The following CLDN8 variants were observed in gnomAD, a reference collection of about 807,000 sequenced individuals.
CLDN8 encodes claudin-8.
CLDN8 carries 2 observed loss-of-function variants against 2.2 expected under a neutral mutation model. The ratio of observed to expected loss-of-function variants is 0.90; its 90% CI spans 0.37 to 2.82. The LOEUF (loss-of-function observed/expected upper bound fraction) is 2.82, where lower values mean the gene tolerates loss of function less well. CLDN8 is among the 30% of genes most tolerant of loss of function. The probability of loss-of-function intolerance (pLI) is 0.10; values close to 1 mark genes in which losing one functional copy is unlikely to be tolerated. For missense variants in CLDN8, 314 were observed against 280.5 expected (o/e 1.12, Z -0.85); for synonymous variants, 107 against 104.8 (o/e 1.02, Z -0.13).
In CLDN8 at chr21:30,215,738, T is replaced by C. The variant is rs1030402102; in HGVS notation, c.188A>G (p.Gln63Arg). The C allele has an allele frequency of 6.2e-7, 1 of 1,614,122 alleles. No homozygotes were observed. The highest frequency in any genetic ancestry group is 8.5e-7 in the Non-Finnish European group (1 of 1,180,012). Residue 63 changes from glutamine to arginine, a missense_variant, in exon 1 of 1, where the codon CAG (glutamine) becomes CGG (arginine). Coordinates refer to ENST00000399899, the MANE Select transcript of CLDN8 (RefSeq NM_199328.3). ...NCVRQANIRM[Q>R]CKIYDSLLAL... Reference sequence around the variant, plus strand: ...CAGCAGGGAATCATAGATTTTGCACTGCATCCTGATGTTAGCCTGCCTCAC... The same window carrying C: ...CAGCAGGGAATCATAGATTTTGCACCGCATCCTGATGTTAGCCTGCCTCAC...
rs766793245 is a variant in CLDN8 at position 30,215,313 on chromosome 21, T to C, written c.613A>G (p.Thr205Ala). The change falls in exon 1 of 1, where the codon ACC becomes GCC. Residue 205 changes from threonine to alanine, a missense_variant. By Grantham distance (58) the Thr-to-Ala change is moderately conservative. Coordinates refer to ENST00000399899, the MANE Select transcript of CLDN8 (RefSeq NM_199328.3). Reference protein sequence around the residue: ...YRYSIPSHRTTQKSYHTGKKS... With the variant: ...YRYSIPSHRTAQKSYHTGKKS... ...TTTCCGGTGTGATAACTTTTTTGGG[T>C]TGTGCGATGGGAAGGTATCGAGTAT... 4 of 1,614,046 alleles carry C rather than the reference T, an allele frequency of 2.5e-6. No individual in the cohort carries two copies. The highest frequency in any genetic ancestry group is 3.4e-6 in the Non-Finnish European group (4 of 1,180,012).
In CLDN8 at chr21:30,215,173, G is replaced by A. The variant is rs1482964478; in HGVS notation, c.*75C>T. The A allele has an allele frequency of 7.9e-7, 1 of 1,269,630 alleles. No individual in the cohort carries two copies. Among genetic ancestry groups the A allele is most frequent in the Non-Finnish European group, 1.1e-6 (1 of 894,076 alleles). 78.6% of individuals were successfully genotyped at this position (1,269,630 alleles called of 1,614,324 possible). ...GAACAGTAAATCAAAGTTTCTTTGG[G>A]GTCCATTTTGAGAAAGTAATATAGA... On this transcript the variant is annotated 3_prime_UTR_variant, in exon 1 of 1. Coordinates refer to ENST00000399899, the MANE Select transcript of CLDN8 (RefSeq NM_199328.3).
chr21:30,215,726 T>TA lies in CLDN8; in HGVS notation c.199dup (p.Tyr67LeufsTer2). On this transcript the variant is annotated frameshift_variant, in exon 1 of 1. Coordinates refer to ENST00000399899, the MANE Select transcript of CLDN8 (RefSeq NM_199328.3). LOFTEE classifies it low-confidence loss of function (END_TRUNC). ...CGGAGAAAGAGCCAGCAGGGAATCA[T>TA]AGATTTTGCACTGCATCCTGATGTT... 1.2e-6 allele frequency: 2 copies of TA among 1,614,100 alleles called. No homozygotes were observed. Among genetic ancestry groups the TA allele is most frequent in the Non-Finnish European group, 1.7e-6 (2 of 1,180,014 alleles).
rs1466167785 is a variant in CLDN8, at chr21:30,214,138, CAG to C, written c.*1108_*1109del. ...TCAGTTTCATCAAATTTGGAATAAACAGAAAAATACAGTATTTACAGATTTTA... is the reference window on the plus strand; with the variant it reads ...TCAGTTTCATCAAATTTGGAATAAACAAAAATACAGTATTTACAGATTTTA... On this transcript the variant is annotated 3_prime_UTR_variant, in exon 1 of 1. Coordinates refer to ENST00000399899, the MANE Select transcript of CLDN8 (RefSeq NM_199328.3). 2 of 152,012 alleles carry C rather than the reference CAG, an allele frequency of 1.3e-5. No homozygotes were observed. The highest frequency in any genetic ancestry group is 4.8e-5 in the African/African-American group (2 of 41,382). The allele number at this position is 152,012 out of a possible 1,614,324, so 9.4% of individuals were successfully genotyped here.
rs373769301 is a variant in CLDN8, at chr21:30,215,951, G to C, written c.-26C>G. On this transcript the variant is annotated 5_prime_UTR_variant, in exon 1 of 1. Transcript: ENST00000399899. ...TATCCTCTGGGATGAGTTTTAGCCA[G>C]CTGGACTCCGGAACTGCTACTTCTG... The C allele has an allele frequency of 6.0e-5, 94 of 1,561,262 alleles. No homozygotes were observed. Among genetic ancestry groups the C allele is most frequent in the Admixed American group, 3.8e-5 (2 of 53,036 alleles).
In CLDN8 at chr21:30,215,429, T is replaced by C. The variant is rs1221900156; in HGVS notation, c.497A>G (p.Tyr166Cys). ...AQKRELGEAL[Y>C]LGWTTALVLI... The stretch of plus-strand genomic sequence containing the variant: ...CACCAGTGCCGTGGTCCATCCTAAG[T>C]AGAGAGCTTCTCCAAGCTCACGTTT... The change falls in exon 1 of 1, where the codon TAC (tyrosine) becomes TGC (cysteine). Residue 166 changes from tyrosine (Y) to cysteine (C), a missense_variant. Transcript: ENST00000399899. 2 of 1,613,966 alleles carry C rather than the reference T, an allele frequency of 1.2e-6. No homozygotes were observed. Among genetic ancestry groups the C allele is most frequent in the Admixed American group, 1.7e-5 (1 of 59,994 alleles).
chr21:30,215,823 A>T lies in CLDN8; in HGVS notation c.103T>A (p.Phe35Ile). 6.2e-7 allele frequency: 1 copy of T among 1,614,052 alleles called. No homozygotes were observed. Among genetic ancestry groups the T allele is most frequent in the Non-Finnish European group, 8.5e-7 (1 of 1,179,972 alleles). Residue 35 changes from phenylalanine (F) to isoleucine (I), a missense_variant, in exon 1 of 1, where the codon TTC becomes ATC. Phe to Ile is a conservative substitution (Grantham distance 21). Coordinates refer to ENST00000399899, the MANE Select transcript of CLDN8 (RefSeq NM_199328.3). ...AAAACCACGATGTTGTTTTCAATGA[A>T]GGCCGACACTCTCCACTGAGGCATG... ...TVMPQWRVSAFIENNIVVFEN... is the reference protein window; with the variant it reads ...TVMPQWRVSAIIENNIVVFEN...
Position 30,215,388 on chromosome 21 carries a change from C to T in CLDN8, c.538G>A (p.Ala180Thr). The T allele has an allele frequency of 1.9e-6, 3 of 1,614,122 alleles. No homozygotes were observed. Among genetic ancestry groups the T allele is most frequent in the East Asian group, 2.2e-5 (1 of 44,848 alleles). ...TTALVLIVGG[A>T]LFCCVFCCNE... ...CAACAAAAAACGCAGCAGAACAGAGCTCCTCCAACAATCAGCACCAGTGCC... is the reference window on the plus strand; with the variant it reads ...CAACAAAAAACGCAGCAGAACAGAGTTCCTCCAACAATCAGCACCAGTGCC... The change falls in exon 1 of 1, where the codon GCT (alanine) becomes ACT (threonine). Residue 180 changes from alanine (A) to threonine (T), a missense_variant. Coordinates refer to ENST00000399899, the MANE Select transcript of CLDN8 (RefSeq NM_199328.3).
At position 30,214,603 on chromosome 21, in the gene CLDN8, G is replaced by A. The variant is rs992345295; in HGVS notation, c.*645C>T. 1 of 152,052 alleles carries A rather than the reference G, an allele frequency of 6.6e-6. No homozygotes were observed. The highest frequency in any genetic ancestry group is 1.5e-5 in the Non-Finnish European group (1 of 67,942). The allele number at this position is 152,052 out of a possible 1,614,324, so 9.4% of individuals were successfully genotyped here. ...TAATTTAATACACAAGAAAAAAAAA[G>A]CCTCTGGGAGAAGAGGATAAAGAAG... On this transcript the variant is annotated 3_prime_UTR_variant, in exon 1 of 1. Coordinates refer to ENST00000399899, the MANE Select transcript of CLDN8 (RefSeq NM_199328.3).
chr21:30,215,417 G>A lies in CLDN8; in HGVS notation c.509C>T (p.Thr170Ile). ...ELGEALYLGW[T>I]TALVLIVGGA... The stretch of plus-strand genomic sequence containing the variant: ...TCCAACAATCAGCACCAGTGCCGTG[G>A]TCCATCCTAAGTAGAGAGCTTCTCC... Residue 170 changes from threonine to isoleucine, a missense_variant, in exon 1 of 1, where the codon ACC becomes ATC. By Grantham distance (89) the Thr-to-Ile change is moderately conservative (BLOSUM62 -1). Transcript: ENST00000399899. The A allele has an allele frequency of 6.2e-7, 1 of 1,614,058 alleles. No homozygotes were observed. Among genetic ancestry groups the A allele is most frequent in the South Asian group, 1.1e-5 (1 of 91,074 alleles).
rs1271915484 is a variant in CLDN8, at chr21:30,215,705, G to A, written c.221C>T (p.Ser74Phe). The A allele has an allele frequency of 6.2e-7, 1 of 1,613,994 alleles. No individual in the cohort carries two copies. The highest frequency in any genetic ancestry group is 8.5e-7 in the Non-Finnish European group (1 of 1,180,016). ...TCCTCTGGCTGCCTGTAGGTCCGGA[G>A]AAAGAGCCAGCAGGGAATCATAGAT... ...CKIYDSLLAL[S>F]PDLQAARGLM... Residue 74 changes from serine to phenylalanine, a missense_variant, in exon 1 of 1, where the codon TCT becomes TTT. Physicochemically the swap from Ser to Phe is radical, Grantham distance 155 (BLOSUM62 -2). Transcript: ENST00000399899.
rs1381264197 is a variant in CLDN8 at position 30,215,259 on chromosome 21, G to C, written c.667C>G (p.Gln223Glu). ...AAAAACATACACAACTACACATACT[G>C]ACTTCTGGAGTAGACGCTCGGTGAC... ...KKSPSVYSRSQYV is the reference protein window; with the variant it reads ...KKSPSVYSRSEYV Residue 223 changes from glutamine (Q) to glutamate (E), a missense_variant, in exon 1 of 1, where the codon CAG (glutamine) becomes GAG (glutamate). Transcript: ENST00000399899. The C allele has an allele frequency of 6.2e-7, 1 of 1,613,930 alleles. No individual in the cohort carries two copies. The highest frequency in any genetic ancestry group is 1.7e-5 in the Admixed American group (1 of 60,020).
chr21:30,215,365 A>G lies in CLDN8; in HGVS notation c.561T>C (p.Cys187=), dbSNP rs745676590. 6.2e-7 allele frequency: 1 copy of G among 1,614,148 alleles called. No homozygotes were observed. The highest frequency in any genetic ancestry group is 1.7e-5 in the Admixed American group (1 of 60,024). Residue 187 remains cysteine, a synonymous_variant, in exon 1 of 1, where the codon TGT becomes TGC. Coordinates refer to ENST00000399899, the MANE Select transcript of CLDN8 (RefSeq NM_199328.3). ...TGTAGCTACTGCTCTTTTCGTTGCA[A>G]CAAAAAACGCAGCAGAACAGAGCTC... ...VGGALFCCVF[C]CNEKSSSYRY... is the part of the protein sequence containing the mutation.
Position 30,215,131 on chromosome 21 carries a change from T to G in CLDN8, c.*117A>C, listed in dbSNP as rs763638044. 2.3e-5 allele frequency: 18 copies of G among 787,984 alleles called. No homozygotes were observed. Among genetic ancestry groups the G allele is most frequent in the Non-Finnish European group, 3.7e-5 (18 of 485,874 alleles). The allele number at this position is 787,984 out of a possible 1,614,324, so 48.8% of individuals were successfully genotyped here. A position where few individuals can be genotyped will look rare whatever the true frequency, so the allele number is the denominator to read the frequency against. ...ATAGCTGATGCACAGTTCCTGTAAT[T>G]AAGATTAGGCAGTTAAGAACAGTAA... On this transcript the variant is annotated 3_prime_UTR_variant, in exon 1 of 1. Coordinates refer to ENST00000399899, the MANE Select transcript of CLDN8 (RefSeq NM_199328.3).
chr21:30,214,710 A>G lies in CLDN8; in HGVS notation c.*538T>C, dbSNP rs976656038. 1 of 152,858 alleles carries G rather than the reference A, an allele frequency of 6.5e-6. No homozygotes were observed. The highest frequency in any genetic ancestry group is 2.4e-5 in the African/African-American group (1 of 41,466). 9.5% of individuals were successfully genotyped at this position (152,858 alleles called of 1,614,324 possible). ...CTTTACAATGCTGATTAAAGCCTTC[A>G]TTTTAATCTTCATTATAAATGGAGG... On this transcript the variant is annotated 3_prime_UTR_variant, in exon 1 of 1. Transcript: ENST00000399899.
Position 30,215,702 on chromosome 21 carries a change from G to A in CLDN8, c.224C>T (p.Pro75Leu). 2 of 1,614,090 alleles carry A rather than the reference G, an allele frequency of 1.2e-6. No individual in the cohort carries two copies. Among genetic ancestry groups the A allele is most frequent in the Non-Finnish European group, 1.7e-6 (2 of 1,180,002 alleles). The change falls in exon 1 of 1, where the codon CCG becomes CTG. Residue 75 changes from proline to leucine, a missense_variant. Physicochemically the swap from Pro to Leu is moderately conservative, Grantham distance 98. Coordinates refer to ENST00000399899, the MANE Select transcript of CLDN8 (RefSeq NM_199328.3). ...KIYDSLLALSPDLQAARGLMC... is the reference protein window; with the variant it reads ...KIYDSLLALSLDLQAARGLMC... ...CAGTCCTCTGGCTGCCTGTAGGTCCGGAGAAAGAGCCAGCAGGGAATCATA... is the reference window on the plus strand; with the variant it reads ...CAGTCCTCTGGCTGCCTGTAGGTCCAGAGAAAGAGCCAGCAGGGAATCATA...
At position 30,215,033 on chromosome 21, in the gene CLDN8, A is replaced by G; in HGVS notation, c.*215T>C. 1 of 527,550 alleles carries G rather than the reference A, an allele frequency of 1.9e-6. No individual in the cohort carries two copies. The highest frequency in any genetic ancestry group is 3.1e-5 in the East Asian group (1 of 32,730). The allele number at this position is 527,550 out of a possible 1,614,324, so 32.7% of individuals were successfully genotyped here. ...CTTGAACCACCTTAGAAAACAAATTACTATACTTTCTAGAACAATCAAAGC... is the reference window on the plus strand; with the variant it reads ...CTTGAACCACCTTAGAAAACAAATTGCTATACTTTCTAGAACAATCAAAGC... On this transcript the variant is annotated 3_prime_UTR_variant, in exon 1 of 1. Coordinates refer to ENST00000399899, the MANE Select transcript of CLDN8 (RefSeq NM_199328.3).
Position 30,214,142 on chromosome 21 carries a change from A to G in CLDN8, c.*1106T>C, listed in dbSNP as rs1978863209. 6.6e-6 allele frequency: 1 copy of G among 152,178 alleles called. No homozygotes were observed. Among genetic ancestry groups the G allele is most frequent in the Non-Finnish European group, 1.5e-5 (1 of 67,994 alleles). 9.4% of individuals were successfully genotyped at this position (152,178 alleles called of 1,614,324 possible). A position where few individuals can be genotyped will look rare whatever the true frequency, so the allele number is the denominator to read the frequency against. The stretch of plus-strand genomic sequence containing the variant: ...TTTCATCAAATTTGGAATAAACAGA[A>G]AAATACAGTATTTACAGATTTTAGT... On this transcript the variant is annotated 3_prime_UTR_variant, in exon 1 of 1. Transcript: ENST00000399899.
In CLDN8 at chr21:30,215,846, A is replaced by G; in HGVS notation, c.80T>C (p.Met27Thr). Residue 27 changes from methionine (M) to threonine (T), a missense_variant, in exon 1 of 1, where the codon ATG (methionine) becomes ACG (threonine). Coordinates refer to ENST00000399899, the MANE Select transcript of CLDN8 (RefSeq NM_199328.3). ...GMVGTVAVTVMPQWRVSAFIE... is the reference protein window; with the variant it reads ...GMVGTVAVTVTPQWRVSAFIE... ...GAAGGCCGACACTCTCCACTGAGGC[A>G]TGACAGTGACAGCCACTGTGCCCAC... 1 of 1,614,028 alleles carries G rather than the reference A, an allele frequency of 6.2e-7. No homozygotes were observed. Among genetic ancestry groups the G allele is most frequent in the Non-Finnish European group, 8.5e-7 (1 of 1,179,922 alleles).
Sources: gnomAD v4.1 joint callset for allele counts on GRCh38, gnomAD v4.1.1 for gene constraint, MANE v1.5 for transcripts, NCBI Gene and HGNC (gene_info 2026-07-23, HGNC 2026-07-21) for gene names.